The following XPR1 variants were observed in gnomAD, a reference collection of about 807,000 sequenced individuals.
The protein encoded by XPR1 is solute carrier family 53 member 1.
XPR1 carries 28 observed loss-of-function variants against 87.5 expected under a neutral mutation model. The observed-to-expected ratio is 0.32, with a 90% CI of 0.24 to 0.44. The LOEUF is 0.44. Ranked by LOEUF, XPR1 falls within the 20% of genes least tolerant of loss-of-function variation. The probability of loss-of-function intolerance (pLI) is 1.00; values close to 1 mark genes in which losing one functional copy is unlikely to be tolerated. For synonymous variants in XPR1, 300 were observed against 306.1 expected, an observed-to-expected ratio of 0.98 and a Z score of 0.21; for missense variants, 559 against 862.3, an observed-to-expected ratio of 0.65 and a Z score of 4.41.
At chr1:180,817,747 CA>C (rs942964482) in intron 7 of XPR1, among the ~76,000 whole-genome samples, 5 of 151,942 alleles carry the variant, frequency 3.3e-5, no homozygotes, top group Non-Finnish European at 4.4e-5. Flanking sequence ...ACATGGAGTT[CA>C]AAAAACAGGC....
intron 6 of XPR1, among the ~76,000 whole-genome samples, chr1:180,808,690 T>C (rs6675596): frequency 0.043 from 6,551 of 152,246 alleles, 505 homozygotes; most frequent in African/African-American, 0.15. Flanking sequence ...TAGCATGTGA[T>C]AAAATGCTCA....
chr1:180,779,449 A>G (rs1225965472), intron 2 of XPR1, among the ~76,000 whole-genome samples: 2 of 152,054 alleles, frequency 1.3e-5, no homozygotes, highest in Admixed American at 6.6e-5. Flanking sequence ...TATAAAATTC[A>G]CTCTTTTAAA....
At chr1:180,773,584 A>G (rs772590670) in intron 2 of XPR1, among the ~76,000 whole-genome samples, 60 of 152,192 alleles carry the variant, frequency 3.9e-4, no homozygotes, top group Non-Finnish European at 6.3e-4. Context: ...ATCTCATATA[A>G]TGCTACAAAG....
In XPR1 at chr1:180,885,505, A is replaced by G. The variant is rs1246116797; in HGVS notation, c.*1439A>G. ...TTCCCTTTGTTCCTTAGTCATCCAA[A>G]TAAGCCTGAAAACCATAAGAGATAT... On this transcript the variant is annotated 3_prime_UTR_variant, in exon 15 of 15. Transcript: ENST00000367590. The G allele has an allele frequency of 6.6e-6, 1 of 152,188 alleles. No individual in the cohort carries two copies. Among genetic ancestry groups the G allele is most frequent in the Admixed American group, 6.5e-5 (1 of 15,280 alleles). 9.4% of individuals were successfully genotyped at this position (152,188 alleles called of 1,614,324 possible). A position where few individuals can be genotyped will look rare whatever the true frequency, so the allele number is the denominator to read the frequency against.
intron 1 of XPR1, among the ~76,000 whole-genome samples, chr1:180,655,684 T>C (rs892059095): frequency 6.6e-6 from 1 of 152,184 alleles, no homozygotes; most frequent in African/African-American, 2.4e-5. Flanking sequence ...TGTGAAACTT[T>C]TGTCCTGTGC....
In XPR1 at chr1:180,701,819, TTCTC is replaced by T. The variant is rs1657341396; in HGVS notation, c.121+19412_121+19415del. 1.4e-5 allele frequency among the ~76,000 whole-genome samples: 2 copies of T among 141,314 alleles called. 1 individual carries two copies. Among genetic ancestry groups the T allele is most frequent in the African/African-American group, 5.9e-5 (2 of 34,140 alleles). 92.7% of individuals were successfully genotyped at this position (141,314 alleles called of 152,430 possible). ...ACTAGTTCCTCCTCGTATTTGATTCTTCTCTCTTTTTTTCTTTATTAGTCTTGCT... is the reference window on the plus strand; with the variant it reads ...ACTAGTTCCTCCTCGTATTTGATTCTTCTTTTTTTCTTTATTAGTCTTGCT... On this transcript the variant is annotated intron_variant, in intron 2 of 14. Transcript: ENST00000367590.
chr1:180,678,913 C>CTGGGGAGGGACCTTTTTGCCTTCAG, intron 1 of XPR1, among the ~76,000 whole-genome samples: 1 of 151,904 alleles, frequency 6.6e-6, no homozygotes, highest in East Asian at 1.9e-4. Context: ...TGTGCTGGTT[C>CTGGGGAGGGACCTTTTTGCCTTCAG]GGCCCGGCAT....
chr1:180,805,226 A>G (rs1322949026), intron 4 of XPR1, among the ~76,000 whole-genome samples: 6 of 152,224 alleles, frequency 3.9e-5, no homozygotes, highest in African/African-American at 7.2e-5. Context: ...ATGTAAACAA[A>G]TAAGTAAGGA....
At chr1:180,745,757 C>T (rs904578205) in intron 2 of XPR1, among the ~76,000 whole-genome samples, 7 of 152,222 alleles carry the variant, frequency 4.6e-5, no homozygotes, top group Middle Eastern at 3.2e-3. Context: ...ACATGGTAAA[C>T]TGACTGCTGG....
chr1:180,738,508 C>G (rs1478088590), intron 2 of XPR1, among the ~76,000 whole-genome samples: 1 of 152,048 alleles, frequency 6.6e-6, no homozygotes, highest in Non-Finnish European at 1.5e-5. Context: ...TTATTGAGGT[C>G]TAATTCACCT....
At position 180,888,339 on chromosome 1, in the gene XPR1, GT is replaced by G. The variant is rs1653079483; in HGVS notation, c.*4277del. On this transcript the variant is annotated 3_prime_UTR_variant, in exon 15 of 15. Coordinates refer to ENST00000367590, the MANE Select transcript of XPR1 (RefSeq NM_004736.4). ...GGTAAGCAGATTTCAGGTCATTATT[GT>G]TTTCTTTTAATGGTTTACATGAAAT... 6.6e-6 allele frequency: 1 copy of G among 151,548 alleles called. No individual in the cohort carries two copies. The highest frequency in any genetic ancestry group is 1.9e-4 in the East Asian group (1 of 5,162). 9.4% of individuals were successfully genotyped at this position (151,548 alleles called of 1,614,324 possible). A position where few individuals can be genotyped will look rare whatever the true frequency, so the allele number is the denominator to read the frequency against.
At chr1:180,725,617 A>C (rs1383071980) in intron 2 of XPR1, among the ~76,000 whole-genome samples, 1 of 152,242 alleles carries the variant, frequency 6.6e-6, no homozygotes, top group Non-Finnish European at 1.5e-5. Flanking sequence ...GCAAAAGACT[A>C]CACATAGTAA....
chr1:180,733,630 C>T (rs1227274016), intron 2 of XPR1, among the ~76,000 whole-genome samples: 2 of 152,018 alleles, frequency 1.3e-5, no homozygotes, highest in Non-Finnish European at 2.9e-5. Context: ...TGTTAATAAT[C>T]TAGAAAGAAG....
At chr1:180,632,395 G>T (rs1654616547) in intron 1 of XPR1, 125 bp downstream of exon 1, 2 of 1,280,962 alleles carry the variant, frequency 1.6e-6, no homozygotes, top group African/African-American at 1.5e-5. Flanking sequence ...CCGCTGCCGC[G>T]GGGAGCCACT....
intron 2 of XPR1, among the ~76,000 whole-genome samples, chr1:180,713,301 CA>C (rs1472744443): frequency 6.6e-6 from 1 of 152,012 alleles, no homozygotes; most frequent in Non-Finnish European, 1.5e-5. Context: ...TGCTATTATG[CA>C]AAAGTACTAT....
chr1:180,761,090 C>T (rs1304755056), intron 2 of XPR1, among the ~76,000 whole-genome samples: 1 of 152,140 alleles, frequency 6.6e-6, no homozygotes, highest in African/African-American at 2.4e-5. Flanking sequence ...TGGATCCCTT[C>T]CTTACACCTT....
chr1:180,744,276 T>C (rs1659009443), intron 2 of XPR1, among the ~76,000 whole-genome samples: 1 of 152,196 alleles, frequency 6.6e-6, no homozygotes. Context: ...TGGTGAGTTT[T>C]TATTTTATTT....
intron 11 of XPR1, among the ~76,000 whole-genome samples, chr1:180,839,588 C>T (rs1651433639): frequency 6.6e-6 from 1 of 152,154 alleles, no homozygotes; most frequent in Non-Finnish European, 1.5e-5. Context: ...ACTTACTCCT[C>T]TACCCTCTTA....
At chr1:180,656,221 C>T (rs1571685438) in intron 1 of XPR1, among the ~76,000 whole-genome samples, 1 of 144,950 alleles carries the variant, frequency 6.9e-6, no homozygotes, top group African/African-American at 2.5e-5. Context: ...TGTGCCTGGC[C>T]TTTTTGACTT....
Sources: gnomAD v4.1 joint callset for allele counts (sites outside exome capture counted in the v4.1 genomes callset) on GRCh38, gnomAD v4.1.1 for gene constraint, MANE v1.5 for transcripts, NCBI Gene and HGNC (gene_info 2026-07-23, HGNC 2026-07-21) for gene names.